The following SLC24A2 variants were observed in gnomAD, a reference collection of about 807,000 sequenced individuals.
SLC24A2 encodes the protein solute carrier family 24 member 2, also known as sodium/potassium/calcium exchanger 2.
In SLC24A2, 36 loss-of-function variants were observed where a neutral mutation model predicts 62.0. The ratio of observed to expected loss-of-function variants is 0.58; its 90% CI spans 0.44 to 0.77. The LOEUF (loss-of-function observed/expected upper bound fraction) is 0.77. Among genes scored for constraint, SLC24A2 ranks in the 30% least tolerant of loss-of-function variants. The pLI is 0.00. For missense variants in SLC24A2, 846 were observed against 817.9 expected, an observed-to-expected ratio of 1.03 and a Z score of -0.42; for synonymous variants, 358 against 294.0, an observed-to-expected ratio of 1.22 and a Z score of -2.23.
intron 2 of SLC24A2, among the ~76,000 whole-genome samples, chr9:19,686,458 T>G (rs1819883227): frequency 6.6e-6 from 1 of 152,012 alleles, no homozygotes; most frequent in African/African-American, 2.4e-5. Flanking sequence ...ACATGTACAT[T>G]GATATGGTTT....
At chr9:20,086,965 T>C in the SLC24A2 span, among the ~76,000 whole-genome samples, 2 of 152,168 alleles carry the variant, frequency 1.3e-5, no homozygotes, top group Admixed American at 6.5e-5. Context: ...CCTAGAATGA[T>C]GTTGCAAGGA....
chr9:19,690,132 TTA>T (rs1377468178), intron 2 of SLC24A2, among the ~76,000 whole-genome samples: 1 of 147,120 alleles, frequency 6.8e-6, no homozygotes, highest in Non-Finnish European at 1.5e-5. Flanking sequence ...ACCTAATATC[TTA>T]TAGTAAATCT....
the SLC24A2 span, among the ~76,000 whole-genome samples, chr9:19,843,041 G>A: frequency 1.3e-5 from 2 of 152,138 alleles, no homozygotes; most frequent in Non-Finnish European, 2.9e-5. Flanking sequence ...ATATCCCGTG[G>A]TAGTGTTTCT....
At chr9:19,984,486 A>T in the SLC24A2 span, among the ~76,000 whole-genome samples, 17 of 152,132 alleles carry the variant, frequency 1.1e-4, no homozygotes, top group Non-Finnish European at 2.2e-4. Flanking sequence ...TATGTAGATC[A>T]TCTGAGGTCA....
the SLC24A2 span, among the ~76,000 whole-genome samples, chr9:19,933,809 G>C: frequency 2.6e-5 from 4 of 152,192 alleles, no homozygotes; most frequent in Non-Finnish European, 5.9e-5. Flanking sequence ...TAAAGTCCTG[G>C]TGCATGCGAC....
the SLC24A2 span, among the ~76,000 whole-genome samples, chr9:19,940,203 A>G: frequency 1.3e-5 from 2 of 152,210 alleles, no homozygotes; most frequent in African/African-American, 4.8e-5. Context: ...CTGTCTGAAC[A>G]TAGTAGTTAA....
At chr9:19,517,535 A>G (rs561143718) in intron 10 of SLC24A2, among the ~76,000 whole-genome samples, 1 of 152,276 alleles carries the variant, frequency 6.6e-6, no homozygotes, top group East Asian at 1.9e-4. Flanking sequence ...TGGATCTTTG[A>G]AATTCCAGGC....
At chr9:20,247,586 C>T in the SLC24A2 span, among the ~76,000 whole-genome samples, 1 of 152,232 alleles carries the variant, frequency 6.6e-6, no homozygotes, top group Non-Finnish European at 1.5e-5. Flanking sequence ...CCTCTCCAGA[C>T]ACCCAATCTG....
chr9:20,296,064 G>T, the SLC24A2 span, among the ~76,000 whole-genome samples: 1 of 152,116 alleles, frequency 6.6e-6, no homozygotes, highest in Admixed American at 6.5e-5. Context: ...AATTGTGTGA[G>T]GCTACTTAAT....
chr9:20,253,442 T>C, the SLC24A2 span, among the ~76,000 whole-genome samples: 1 of 152,182 alleles, frequency 6.6e-6, no homozygotes, highest in South Asian at 2.1e-4. Flanking sequence ...GTTTGTACCA[T>C]CTTACTTCCA....
the SLC24A2 span, among the ~76,000 whole-genome samples, chr9:20,173,548 G>T: frequency 6.6e-6 from 1 of 152,042 alleles, no homozygotes; most frequent in East Asian, 1.9e-4. Context: ...TGACCAAGCT[G>T]AGAATCAAAT....
the SLC24A2 span, among the ~76,000 whole-genome samples, chr9:20,042,898 C>A: frequency 1.6e-4 from 24 of 152,172 alleles, no homozygotes; most frequent in Non-Finnish European, 2.8e-4. Context: ...ACAAGCCATG[C>A]CCATGTAAGA....
At chr9:20,133,125 C>T in the SLC24A2 span, among the ~76,000 whole-genome samples, 3 of 152,036 alleles carry the variant, frequency 2.0e-5, no homozygotes, top group African/African-American at 7.2e-5. Context: ...AAAAGTAGGG[C>T]AGAGGATTTT....
intron 2 of SLC24A2, among the ~76,000 whole-genome samples, chr9:19,708,090 A>C (rs905728674): frequency 1.3e-5 from 2 of 152,202 alleles, no homozygotes; most frequent in African/African-American, 4.8e-5. Context: ...CAAAAATCAC[A>C]AGCATTCTTA....
chr9:19,587,195 T>C (rs982381904), intron 5 of SLC24A2, among the ~76,000 whole-genome samples: 11 of 152,290 alleles, frequency 7.2e-5, no homozygotes, highest in African/African-American at 2.4e-4. Flanking sequence ...GCTCAAGAAA[T>C]AGGTGTTGAA....
At chr9:19,763,629 T>C (rs984025385) in intron 2 of SLC24A2, among the ~76,000 whole-genome samples, 20 of 152,242 alleles carry the variant, frequency 1.3e-4, no homozygotes, top group African/African-American at 4.8e-4. Context: ...GATTTGCATA[T>C]GTTGAACCAG....
Position 19,743,698 on chromosome 9 carries a change from A to G in SLC24A2, c.930+42239T>C, listed in dbSNP as rs529075480. Among the ~76,000 whole-genome samples the G allele has an allele frequency of 2.0e-5, 3 of 152,274 alleles. No individual in the cohort carries two copies. In the East Asian group the frequency reaches 5.8e-4, roughly 29 times the overall value. ...ATTATTTAACTGCTGCCCTCCTTTA[A>G]AATATCTACCAATAAAATTAAGCTC... On this transcript the variant is annotated intron_variant, in intron 2 of 10. Coordinates refer to ENST00000341998, the MANE Select transcript of SLC24A2 (RefSeq NM_020344.4).
At chr9:19,710,852 G>C (rs1472028170) in intron 2 of SLC24A2, among the ~76,000 whole-genome samples, 1 of 152,100 alleles carries the variant, frequency 6.6e-6, no homozygotes, top group Non-Finnish European at 1.5e-5. Flanking sequence ...AGGAACACAG[G>C]GACAAATGAT....
At position 19,599,949 on chromosome 9, in the gene SLC24A2, C is replaced by T. The variant is rs534033885; in HGVS notation, c.1079-2670G>A. ...GAACATAATTGGATTAGGATTCAAA[C>T]TGGGGCTAATCCAAGGTTAGTTTTT... On this transcript the variant is annotated intron_variant, in intron 4 of 10. Coordinates refer to ENST00000341998, the MANE Select transcript of SLC24A2 (RefSeq NM_020344.4). This position sits in a 1 kb window ranked among gnomAD's most constrained non-coding sequence, Gnocchi z 4.5. Among the ~76,000 whole-genome samples the T allele has an allele frequency of 6.6e-6, 1 of 152,286 alleles. No homozygotes were observed. Among genetic ancestry groups the T allele is most frequent in the South Asian group, 2.1e-4 (1 of 4,826 alleles).
Sources: gnomAD v4.1 joint callset for allele counts (sites outside exome capture counted in the v4.1 genomes callset) on GRCh38, gnomAD v4.1.1 for gene constraint, Gnocchi (gnomAD v3.1) non-coding constraint, MANE v1.5 for transcripts, NCBI Gene and HGNC (gene_info 2026-07-23, HGNC 2026-07-21) for gene names.